The following SREK1 variants were observed in gnomAD, a reference collection of about 807,000 sequenced individuals.
The protein encoded by SREK1 is splicing regulatory glutamic acid and lysine rich protein 1, also known as splicing regulatory glutamine/lysine-rich protein 1.
In SREK1, 13 loss-of-function variants were observed where a neutral mutation model predicts 66.5. The observed-to-expected ratio is 0.20, with a 90% confidence interval of 0.13 to 0.31. The LOEUF (loss-of-function observed/expected upper bound fraction) is 0.31, where lower values mean the gene tolerates loss of function less well. SREK1 is among the 10% of genes least tolerant of loss of function. The probability of loss-of-function intolerance (pLI) is 1.00; values close to 1 mark genes in which losing one functional copy is unlikely to be tolerated. For synonymous variants in SREK1, 265 were observed against 263.5 expected (o/e 1.01, Z -0.05); for missense variants, 607 against 769.6 (o/e 0.79, Z 2.50).
rs1028752802 is a variant in SREK1 at position 66,183,273 on chromosome 5, T to C, written c.*4405T>C. 22 of 152,206 alleles carry C rather than the reference T, an allele frequency of 1.4e-4. No homozygotes were observed. Among genetic ancestry groups the C allele is most frequent in the Non-Finnish European group, 2.8e-4 (19 of 68,022 alleles). 9.4% of individuals were successfully genotyped at this position (152,206 alleles called of 1,614,324 possible). On this transcript the variant is annotated 3_prime_UTR_variant, in exon 12 of 12. Coordinates refer to ENST00000334121, the MANE Select transcript of SREK1 (RefSeq NM_001077199.3). Reference sequence around the variant, plus strand: ...ATTCATAAAAATCACACTGAAAGAATAGGTTGATTTCAACCATTTTGAGGG... The same window carrying C: ...ATTCATAAAAATCACACTGAAAGAACAGGTTGATTTCAACCATTTTGAGGG...
Position 66,161,990 on chromosome 5 carries a change from G to A in SREK1, c.412-119G>A, listed in dbSNP as rs539191353. The A allele has an allele frequency of 1.5e-5, 18 of 1,163,090 alleles. 1 individual carries two copies. In the African/African-American group the frequency reaches 2.2e-4, roughly 14 times the overall value. 72.0% of individuals were successfully genotyped at this position (1,163,090 alleles called of 1,614,324 possible). On this transcript the variant is annotated intron_variant, in intron 3 of 11. Coordinates refer to ENST00000334121, the MANE Select transcript of SREK1 (RefSeq NM_001077199.3). The stretch of plus-strand genomic sequence containing the variant: ...ACATATATATGACTGAAAGTTCGGA[G>A]TCCCTAGTCTCCTTTCATTCTTGTT...
rs576501487 is a variant in SREK1 at position 66,148,593 on chromosome 5, A to G, written c.161+4056A>G. On this transcript the variant is annotated intron_variant, in intron 1 of 11. Transcript: ENST00000334121. ...AAATCTGCTAAATTTGGGTACTGCT[A>G]TTTTCTTCTTAAAATTTATTTCTAA... 3.3e-5 allele frequency among the ~76,000 whole-genome samples: 5 copies of G among 152,216 alleles called. No homozygotes were observed. The East Asian group carries it at 9.6e-4, about 29-fold the overall frequency.
chr5:66,156,535 G>A (rs1418589712), intron 2 of SREK1: 1 of 986,780 alleles, frequency 1.0e-6, no homozygotes, highest in African/African-American at 1.7e-5. Context: ...ACACTGATAA[G>A]TATCTCAGGA....
intron 2 of SREK1, 115 bp from the exon 3 acceptor site, chr5:66,159,104 T>C: frequency 7.0e-7 from 1 of 1,436,086 alleles, no homozygotes; most frequent in Non-Finnish European, 9.1e-7. Context: ...ACAGATCTGA[T>C]AGATAGATTC....
In SREK1 at chr5:66,181,901, G is replaced by GGT. The variant is rs1491181141; in HGVS notation, c.*3034_*3035insTG. On this transcript the variant is annotated 3_prime_UTR_variant, in exon 12 of 12. Coordinates refer to ENST00000334121, the MANE Select transcript of SREK1 (RefSeq NM_001077199.3). ...TTTATAATGAAAAGGTTTTTTTGTC[G>GGT]GGGGGGGGGGGGTCAAGAGAATTTA... The GGT allele has an allele frequency of 4.6e-5, 1 of 21,830 alleles. No homozygotes were observed. Among genetic ancestry groups the GGT allele is most frequent in the Admixed American group, 3.4e-4 (1 of 2,966 alleles). The allele number at this position is 21,830 out of a possible 1,614,324, so 1.4% of individuals were successfully genotyped here.
chr5:66,146,955 G>A (rs1197007342), intron 1 of SREK1, among the ~76,000 whole-genome samples: 1 of 152,070 alleles, frequency 6.6e-6, no homozygotes, highest in African/African-American at 2.4e-5. Context: ...GTGGTGGTGT[G>A]CACCTATAGT....
At position 66,153,449 on chromosome 5, in the gene SREK1, T is replaced by C; in HGVS notation, c.162-14T>C. 6.2e-7 allele frequency: 1 copy of C among 1,601,238 alleles called. No homozygotes were observed. The highest frequency in any genetic ancestry group is 8.5e-7 in the Non-Finnish European group (1 of 1,175,782). ...ATGTTTATTAGTTCAATTGTTTTTC[T>C]TTTTATCTTGCAGCAACGCACCTCT... On this transcript the variant is annotated splice_polypyrimidine_tract_variant and intron_variant, in intron 1 of 11. Transcript: ENST00000334121.
intron 1 of SREK1, among the ~76,000 whole-genome samples, chr5:66,153,228 C>G (rs549049422): frequency 2.6e-5 from 4 of 151,762 alleles, no homozygotes; most frequent in African/African-American, 9.7e-5. Context: ...AATTTGAGTT[C>G]CAAGTTTTAC....
chr5:66,164,470 T>A, intron 6 of SREK1: 1 of 846,432 alleles, frequency 1.2e-6, no homozygotes, highest in East Asian at 5.1e-5. Flanking sequence ...AAGCTTCAAA[T>A]TCTAGCAGAA....
chr5:66,182,434 G>T lies in SREK1; in HGVS notation c.*3566G>T, dbSNP rs1363523176. The T allele has an allele frequency of 6.6e-6, 1 of 152,108 alleles. No individual in the cohort carries two copies. Among genetic ancestry groups the T allele is most frequent in the African/African-American group, 2.4e-5 (1 of 41,398 alleles). 9.4% of individuals were successfully genotyped at this position (152,108 alleles called of 1,614,324 possible). A position where few individuals can be genotyped will look rare whatever the true frequency, so the allele number is the denominator to read the frequency against. ...AAAGAGCTAAATTATATTTCTGGAA[G>T]CAGGAGTTTAGTATAAATGTAATAA... On this transcript the variant is annotated 3_prime_UTR_variant, in exon 12 of 12. Transcript: ENST00000334121.
At chr5:66,153,103 A>G (rs934163253) in intron 1 of SREK1, among the ~76,000 whole-genome samples, 1 of 152,182 alleles carries the variant, frequency 6.6e-6, no homozygotes, top group Non-Finnish European at 1.5e-5. Flanking sequence ...AAAATTTGAA[A>G]TCTTGAGGTT....
rs1312550337 is a variant in SREK1, at chr5:66,144,546, T to G, written c.161+9T>G. On this transcript the variant is annotated intron_variant, in intron 1 of 11. Transcript: ENST00000334121. The stretch of plus-strand genomic sequence containing the variant: ...CGGCTCTACCCCCCGGAGTAAGTGC[T>G]GGAGCTCGGCTGGGGGAGGGGCGCG... 2 of 1,547,782 alleles carry G rather than the reference T, an allele frequency of 1.3e-6. No homozygotes were observed. Among genetic ancestry groups the G allele is most frequent in the East Asian group, 4.9e-5 (2 of 40,796 alleles).
intron 3 of SREK1, among the ~76,000 whole-genome samples, chr5:66,160,305 A>G (rs1744645929): frequency 6.6e-6 from 1 of 152,228 alleles, no homozygotes; most frequent in Non-Finnish European, 1.5e-5. Context: ...GAATTGAACT[A>G]AGAAATGAAC....
At position 66,153,365 on chromosome 5, in the gene SREK1, C is replaced by T; in HGVS notation, c.162-98C>T. On this transcript the variant is annotated intron_variant, in intron 1 of 11. Transcript: ENST00000334121. Reference sequence around the variant, plus strand: ...ACAAAAAGTTTTAAAGTCTTAATTTCGTAAGATTATGTAAAGGTTAAGAAA... The same window carrying T: ...ACAAAAAGTTTTAAAGTCTTAATTTTGTAAGATTATGTAAAGGTTAAGAAA... 4.8e-6 allele frequency: 7 copies of T among 1,461,024 alleles called. No homozygotes were observed. In the Admixed American group the frequency reaches 6.9e-5, roughly 14 times the overall value. The allele number at this position is 1,461,024 out of a possible 1,614,324, so 90.5% of individuals were successfully genotyped here.
intron 9 of SREK1, 46 bp downstream of exon 9, chr5:66,170,993 A>G (rs758569712): frequency 7.7e-6 from 12 of 1,550,234 alleles, no homozygotes; most frequent in African/African-American, 1.4e-5. Context: ...GCTGATGACA[A>G]TTGGAAACAA....
At chr5:66,156,258 C>T in intron 2 of SREK1, 34 of 1,308,538 alleles carry the variant, frequency 2.6e-5, no homozygotes, top group Non-Finnish European at 3.2e-5. Flanking sequence ...TATTTTGTCC[C>T]TTTTTTTGTT....
In SREK1 at chr5:66,183,216, A is replaced by G. The variant is rs1267556203; in HGVS notation, c.*4348A>G. ...TTCTTGGTTTATTTTTATTTGCTAG[A>G]CATAATTTCTTAACTACATATGTAA... On this transcript the variant is annotated 3_prime_UTR_variant, in exon 12 of 12. Coordinates refer to ENST00000334121, the MANE Select transcript of SREK1 (RefSeq NM_001077199.3). 6.6e-6 allele frequency: 1 copy of G among 152,154 alleles called. No homozygotes were observed. The highest frequency in any genetic ancestry group is 1.5e-5 in the Non-Finnish European group (1 of 68,018). 9.4% of individuals were successfully genotyped at this position (152,154 alleles called of 1,614,324 possible).
chr5:66,159,395 A>C (rs1482391406), intron 3 of SREK1, 61 bp downstream of exon 3: 1 of 1,304,560 alleles, frequency 7.7e-7, no homozygotes, highest in East Asian at 2.5e-5. Context: ...CCAGTTGAAT[A>C]GAGAGCTTCA....
rs1343424929 is a variant in SREK1, at chr5:66,180,405, A to T, written c.*1537A>T. 1 of 152,572 alleles carries T rather than the reference A, an allele frequency of 6.6e-6. No homozygotes were observed. The highest frequency in any genetic ancestry group is 1.9e-4 in the East Asian group (1 of 5,200). 9.5% of individuals were successfully genotyped at this position (152,572 alleles called of 1,614,324 possible). On this transcript the variant is annotated 3_prime_UTR_variant, in exon 12 of 12. Transcript: ENST00000334121. Reference sequence around the variant, plus strand: ...CTCAGTTGCCTTACCTCATGGGAAGAGTTACTTTTTTAGATCTAAAAAGCT... The same window carrying T: ...CTCAGTTGCCTTACCTCATGGGAAGTGTTACTTTTTTAGATCTAAAAAGCT...
Sources: allele counts gnomAD v4.1 joint callset (sites outside exome capture counted in the v4.1 genomes callset), GRCh38; gene constraint gnomAD v4.1.1; transcripts MANE v1.5; gene names NCBI Gene and HGNC (gene_info 2026-07-23, HGNC 2026-07-21).